Variants in ARK2C observed in about 807,000 individuals in gnomAD.
ARK2C encodes E3 ubiquitin-protein ligase ARK2C.
chr18:46,355,601 A>T, the ARK2C span, among the ~76,000 whole-genome samples: 1 of 152,094 alleles, frequency 6.6e-6, no homozygotes, highest in Non-Finnish European at 1.5e-5. Context: ...CTATTTTTCC[A>T]GACACTTGGG....
the ARK2C span, among the ~76,000 whole-genome samples, chr18:46,398,731 G>A: frequency 6.6e-6 from 1 of 151,976 alleles, no homozygotes; most frequent in Non-Finnish European, 1.5e-5. Flanking sequence ...AAAGCTCCTG[G>A]CACCTGTGAC....
At chr18:46,336,787 C>T in the ARK2C span, 3 of 985,288 alleles carry the variant, frequency 3.0e-6, no homozygotes, top group South Asian at 4.7e-5. Flanking sequence ...CTTCATTTTT[C>T]AGTTATCTGG....
chr18:46,440,325 A>G, the ARK2C span, among the ~76,000 whole-genome samples: 1 of 152,172 alleles, frequency 6.6e-6, no homozygotes, highest in Non-Finnish European at 1.5e-5. Context: ...TTTTTGCAGT[A>G]TATTGTTATA....
At chr18:46,409,360 A>C in the ARK2C span, among the ~76,000 whole-genome samples, 2 of 151,922 alleles carry the variant, frequency 1.3e-5, no homozygotes, top group Non-Finnish European at 1.5e-5. Context: ...GAGGGAAGGA[A>C]TGAGCTCAAG....
At chr18:46,409,856 T>C in the ARK2C span, among the ~76,000 whole-genome samples, 3 of 152,222 alleles carry the variant, frequency 2.0e-5, no homozygotes, top group Non-Finnish European at 4.4e-5. Context: ...CTCCTATTGA[T>C]GGACATTTCG....
At chr18:46,422,894 GCCTA>G in the ARK2C span, among the ~76,000 whole-genome samples, 1 of 152,130 alleles carries the variant, frequency 6.6e-6, no homozygotes, top group Non-Finnish European at 1.5e-5. Context: ...ACTCAAATCC[GCCTA>G]CTGGAAAGAC....
At chr18:46,396,945 T>C in the ARK2C span, among the ~76,000 whole-genome samples, 1 of 152,238 alleles carries the variant, frequency 6.6e-6, no homozygotes, top group Non-Finnish European at 1.5e-5. Context: ...CCTGGGGGGT[T>C]CCCCTTTCCT....
At chr18:46,435,460 A>G in the ARK2C span, 2 of 1,256,986 alleles carry the variant, frequency 1.6e-6, no homozygotes, top group Non-Finnish European at 2.3e-6. Flanking sequence ...GTCTTGCCAG[A>G]TCTGTGGAGT....
chr18:46,369,289 T>G, the ARK2C span, among the ~76,000 whole-genome samples: 1 of 152,022 alleles, frequency 6.6e-6, no homozygotes, highest in Admixed American at 6.6e-5. Context: ...ATGGGCTGGC[T>G]GAGGCAGGGT....
At chr18:46,450,561 C>A in the ARK2C span, 1 of 800,300 alleles carries the variant, frequency 1.2e-6, no homozygotes, top group Non-Finnish European at 2.1e-6. Context: ...AGAGATATTG[C>A]AGTCTTTCAG....
the ARK2C span, among the ~76,000 whole-genome samples, chr18:46,415,750 T>TA: frequency 1.3e-5 from 2 of 152,094 alleles, no homozygotes; most frequent in Non-Finnish European, 2.9e-5. Flanking sequence ...AAAATGGGAA[T>TA]AATGGGAATA....
the ARK2C span, chr18:46,334,326 C>A: frequency 1.9e-6 from 3 of 1,585,354 alleles, no homozygotes; most frequent in East Asian, 4.8e-5. The surrounding 1 kb of genome is among the most constrained non-coding windows in gnomAD (Gnocchi z 4.4). Context: ...TGGCTCTGTG[C>A]GAAACAGAGG....
At chr18:46,372,517 T>A in the ARK2C span, among the ~76,000 whole-genome samples, 38,469 of 152,172 alleles carry the variant, frequency 0.25, 5,255 homozygotes, top group East Asian at 0.52. Context: ...GTAAGCCCCC[T>A]TCCAGCTCAC....
chr18:46,388,349 T>G, the ARK2C span, among the ~76,000 whole-genome samples: 3 of 152,222 alleles, frequency 2.0e-5, no homozygotes, highest in Non-Finnish European at 2.9e-5. Context: ...AAAACCTTGT[T>G]TAACTTTTTC....
the ARK2C span, among the ~76,000 whole-genome samples, chr18:46,434,274 T>C: frequency 6.6e-6 from 1 of 152,220 alleles, no homozygotes; most frequent in Non-Finnish European, 1.5e-5. Flanking sequence ...ATGTGGGTTT[T>C]GACTATTGAT....
chr18:46,423,300 G>A, the ARK2C span, among the ~76,000 whole-genome samples: 1 of 152,080 alleles, frequency 6.6e-6, no homozygotes. Flanking sequence ...TATTGGCCAA[G>A]GCAAACTGCA....
the ARK2C span, among the ~76,000 whole-genome samples, chr18:46,376,818 G>A: frequency 6.6e-6 from 1 of 151,910 alleles, no homozygotes; most frequent in Non-Finnish European, 1.5e-5. Context: ...CTACAGGCAC[G>A]CACCACCATG....
At chr18:46,336,046 G>A in the ARK2C span, 2 of 985,390 alleles carry the variant, frequency 2.0e-6, no homozygotes, top group Non-Finnish European at 2.4e-6. Context: ...CCTAGCCATG[G>A]GGGTGAGGGG....
At chr18:46,354,256 G>A in the ARK2C span, among the ~76,000 whole-genome samples, 1 of 152,212 alleles carries the variant, frequency 6.6e-6, no homozygotes, top group Admixed American at 6.5e-5. Flanking sequence ...TGTGATGTAG[G>A]GGAGCTTTGC....
Sources: gnomAD v4.1 joint callset for allele counts (sites outside exome capture counted in the v4.1 genomes callset) on GRCh38, gnomAD v4.1.1 for gene constraint, Gnocchi (gnomAD v3.1) non-coding constraint, MANE v1.5 for transcripts, NCBI Gene and HGNC (gene_info 2026-07-23, HGNC 2026-07-21) for gene names.